DPY30: variants seen among roughly 807,000 people sequenced by gnomAD.
The protein encoded by DPY30 is dpy-30 histone methyltransferase complex regulatory subunit, also known as protein dpy-30 homolog.
DPY30 carries 6 observed loss-of-function variants against 16.2 expected under a neutral mutation model. The ratio of observed to expected loss-of-function variants is 0.37; its 90% confidence interval spans 0.20 to 0.73. The LOEUF (loss-of-function observed/expected upper bound fraction) is 0.73, where lower values mean the gene tolerates loss of function less well. Ranked by LOEUF, DPY30 falls within the 30% of genes least tolerant of loss-of-function variation. The pLI, the probability that DPY30 is intolerant of heterozygous loss-of-function variation, is 0.51. For missense variants in DPY30, 73 were observed against 113.1 expected, an observed-to-expected ratio of 0.65 and a Z score of 1.61; for synonymous variants, 39 against 38.8, an observed-to-expected ratio of 1.00 and a Z score of -0.02.
chr2:32,037,661 A>G (rs1675795757), intron 3 of DPY30, among the ~76,000 whole-genome samples: 1 of 151,462 alleles, frequency 6.6e-6, no homozygotes, highest in Admixed American at 6.6e-5. Context: ...GGGTTCAAGC[A>G]ATTCTCCTGC....
intron 3 of DPY30, among the ~76,000 whole-genome samples, chr2:32,038,407 TGAG>T (rs1235262810): frequency 7.9e-5 from 3 of 37,968 alleles, no homozygotes; most frequent in African/African-American, 3.7e-4. Flanking sequence ...GGCCTTATTT[TGAG>T]GGGGGGGGGG....
At chr2:32,022,758 C>T (rs1330711386), downstream of DPY30, among the ~76,000 whole-genome samples, 1 of 151,896 alleles carries the variant, frequency 6.6e-6, no homozygotes, top group African/African-American at 2.4e-5. Flanking sequence ...CCTTGTGATC[C>T]ACCTGCCTCG....
downstream of DPY30, among the ~76,000 whole-genome samples, chr2:32,019,838 ATAT>A (rs1558582388): frequency 3.0e-4 from 39 of 130,192 alleles, no homozygotes; most frequent in African/African-American, 1.1e-3. Flanking sequence ...AAAAAAAAAT[ATAT>A]ATATATATAT....
intron 5 of DPY30, among the ~76,000 whole-genome samples, chr2:32,013,800 G>A (rs529221933): frequency 2.0e-5 from 3 of 152,114 alleles, no homozygotes; most frequent in African/African-American, 7.2e-5. Flanking sequence ...ACGTGGCCAA[G>A]AGTTTGAGAC....
chr2:32,038,688 C>T (rs1263667566), intron 3 of DPY30, among the ~76,000 whole-genome samples: 1 of 144,502 alleles, frequency 6.9e-6, no homozygotes, highest in Non-Finnish European at 1.5e-5. Flanking sequence ...CTCACTCTGC[C>T]GCCCAGGCTG....
intron 5 of DPY30, among the ~76,000 whole-genome samples, chr2:32,012,715 G>A (rs1674986249): frequency 6.6e-6 from 1 of 152,080 alleles, no homozygotes; most frequent in African/African-American, 2.4e-5. Context: ...TGGGATTACA[G>A]GCATGAGCCA....
chr2:32,038,068 C>G (rs1675813581), intron 3 of DPY30, among the ~76,000 whole-genome samples: 1 of 151,106 alleles, frequency 6.6e-6, no homozygotes, highest in Admixed American at 6.6e-5. Flanking sequence ...ATGTTGGGAG[C>G]TGTATTTTCA....
intron 3 of DPY30, among the ~76,000 whole-genome samples, chr2:32,031,538 A>G (rs952573824): frequency 3.3e-5 from 5 of 152,278 alleles, no homozygotes; most frequent in African/African-American, 1.2e-4. Flanking sequence ...CAGTGGTTGC[A>G]GTGAGCTGAG....
chr2:32,030,304 C>T (rs956095713), intron 3 of DPY30, among the ~76,000 whole-genome samples: 4 of 152,064 alleles, frequency 2.6e-5, no homozygotes, highest in Admixed American at 2.6e-4. Context: ...TATATCCAGC[C>T]TGGACAACTG....
intron 3 of DPY30, among the ~76,000 whole-genome samples, chr2:32,036,465 A>G (rs1324174683): frequency 6.6e-6 from 1 of 151,886 alleles, no homozygotes; most frequent in East Asian, 1.9e-4. Context: ...AGGTCAGGAG[A>G]TCGAGACCAT....
At chr2:32,022,786 G>A (rs1675214358), downstream of DPY30, among the ~76,000 whole-genome samples, 1 of 151,934 alleles carries the variant, frequency 6.6e-6, no homozygotes, top group African/African-American at 2.4e-5. Context: ...AAAGTGCTGG[G>A]ATTACAGGCG....
At chr2:32,031,885 T>A (rs1675557682) in intron 3 of DPY30, among the ~76,000 whole-genome samples, 1 of 151,222 alleles carries the variant, frequency 6.6e-6, no homozygotes, top group East Asian at 1.9e-4. Context: ...AGAGCGAGAC[T>A]CTGTCTCAAA....
intron 4 of DPY30, among the ~76,000 whole-genome samples, chr2:32,027,729 C>T (rs984753446): frequency 3.2e-4 from 48 of 148,908 alleles, no homozygotes; most frequent in Admixed American, 1.3e-3. Flanking sequence ...CCCGGGTTCA[C>T]GCCATTCTCC....
downstream of DPY30, among the ~76,000 whole-genome samples, chr2:32,022,658 C>T (rs1031591901): frequency 6.6e-6 from 1 of 151,958 alleles, no homozygotes; most frequent in Non-Finnish European, 1.5e-5. Context: ...GCTGGGACGA[C>T]AGGCACATGC....
At chr2:32,039,044 A>C (rs957108716) in intron 3 of DPY30, among the ~76,000 whole-genome samples, 5 of 152,180 alleles carry the variant, frequency 3.3e-5, no homozygotes, top group African/African-American at 1.2e-4. Context: ...AGTATCCCTC[A>C]AGAATATGTG....
chr2:32,021,975 T>G (rs1675193763), downstream of DPY30, among the ~76,000 whole-genome samples: 1 of 151,922 alleles, frequency 6.6e-6, no homozygotes, highest in South Asian at 2.1e-4. Flanking sequence ...TTTGGGAGGC[T>G]GAGGTGGGCA....
At chr2:32,025,491 G>A (rs534671575) in intron 4 of DPY30, among the ~76,000 whole-genome samples, 51 of 151,648 alleles carry the variant, frequency 3.4e-4, no homozygotes, top group Non-Finnish European at 5.2e-4. Context: ...GACCGGGTAC[G>A]GTGGCTCATG....
intron 3 of DPY30, among the ~76,000 whole-genome samples, chr2:32,037,294 T>C (rs1015758555): frequency 2.6e-5 from 4 of 152,072 alleles, no homozygotes; most frequent in African/African-American, 9.7e-5. Flanking sequence ...TGTTTACATA[T>C]CTTTAAAGTA....
chr2:32,039,364 C>G (rs1675877773), intron 2 of DPY30, 38 bp from the exon 3 acceptor site: 4 of 1,614,114 alleles, frequency 2.5e-6, no homozygotes, highest in Non-Finnish European at 1.7e-6. Flanking sequence ...ATATAAGTCC[C>G]CCCTTTCTCG....
Sources: allele counts gnomAD v4.1 joint callset (sites outside exome capture counted in the v4.1 genomes callset), GRCh38; gene constraint gnomAD v4.1.1; transcripts MANE v1.5; gene names NCBI Gene and HGNC (gene_info 2026-07-23, HGNC 2026-07-21).